Variants in NRG3 observed in about 807,000 individuals in gnomAD.
NRG3 encodes the protein pro-neuregulin-3, membrane-bound isoform.
Under a neutral mutation model 66.9 loss-of-function variants are expected in NRG3, and 31 were observed. The ratio of observed to expected loss-of-function variants is 0.46; its 90% confidence interval spans 0.35 to 0.63. NRG3 has a LOEUF of 0.63. Ranked by LOEUF, NRG3 falls within the 20% of genes least tolerant of loss-of-function variation. The pLI, the probability that NRG3 is intolerant of heterozygous loss-of-function variation, is 0.00. For synonymous variants in NRG3, 393 were observed against 359.4 expected (o/e 1.09, Z -1.06); for missense variants, 910 against 878.9 (o/e 1.04, Z -0.45).
chr10:81,943,119 G>A (rs755482542), intron 1 of NRG3, among the ~76,000 whole-genome samples: 29 of 152,210 alleles, frequency 1.9e-4, no homozygotes, highest in Middle Eastern at 3.4e-3. Flanking sequence ...TGGGCATGGT[G>A]GCTCATGCCT....
At chr10:82,936,818 G>A (rs1188093430) in intron 4 of NRG3, among the ~76,000 whole-genome samples, 1 of 152,146 alleles carries the variant, frequency 6.6e-6, no homozygotes, top group African/African-American at 2.4e-5. Flanking sequence ...AAACATAGGA[G>A]TAGGTTACAA....
chr10:82,682,301 G>C (rs1015450234), intron 2 of NRG3, among the ~76,000 whole-genome samples: 14 of 152,034 alleles, frequency 9.2e-5, no homozygotes, highest in African/African-American at 3.4e-4. Flanking sequence ...AGCTACCATT[G>C]TGTTTGTGAA....
intron 1 of NRG3, among the ~76,000 whole-genome samples, chr10:81,947,362 C>T (rs1336646211): frequency 6.6e-6 from 1 of 152,098 alleles, no homozygotes; most frequent in African/African-American, 2.4e-5. Flanking sequence ...GTACTAGGGT[C>T]AAGACTTCAA....
chr10:82,105,997 T>A (rs1326428137), intron 1 of NRG3, among the ~76,000 whole-genome samples: 1 of 152,194 alleles, frequency 6.6e-6, no homozygotes, highest in Non-Finnish European at 1.5e-5. Context: ...ACAACAAAGA[T>A]CTGTTCTTCT....
At chr10:82,916,847 C>T (rs923185957) in intron 4 of NRG3, among the ~76,000 whole-genome samples, 1 of 152,164 alleles carries the variant, frequency 6.6e-6, no homozygotes, top group African/African-American at 2.4e-5. Context: ...AACTCCTGAC[C>T]TCAAGTGACC....
intron 1 of NRG3, among the ~76,000 whole-genome samples, chr10:82,256,621 A>G (rs903727621): frequency 3.6e-4 from 55 of 152,156 alleles, no homozygotes; most frequent in African/African-American, 1.2e-3. Context: ...TGGGATAACT[A>G]TGGGAATAAA....
intron 3 of NRG3, among the ~76,000 whole-genome samples, chr10:82,741,839 AC>A (rs1286447112): frequency 1.4e-5 from 2 of 138,254 alleles, no homozygotes; most frequent in Non-Finnish European, 3.4e-5. Context: ...TCTAAATTCC[AC>A]TGACTGAAAC....
chr10:82,574,639 AGTACCTCATAAAT>A (rs2045930508), intron 2 of NRG3, among the ~76,000 whole-genome samples: 1 of 151,846 alleles, frequency 6.6e-6, no homozygotes, highest in African/African-American at 2.4e-5. Context: ...AAATATCACA[AGTACCTCATAAAT>A]GTTTATAATT....
chr10:82,694,857 A>T (rs1219054231), intron 2 of NRG3, among the ~76,000 whole-genome samples: 1 of 152,222 alleles, frequency 6.6e-6, no homozygotes, highest in Non-Finnish European at 1.5e-5. Flanking sequence ...ATATGTCTGT[A>T]AGAAGGTTCA....
At chr10:82,569,429 G>T (rs1221277681) in intron 2 of NRG3, among the ~76,000 whole-genome samples, 1 of 151,616 alleles carries the variant, frequency 6.6e-6, no homozygotes, top group Non-Finnish European at 1.5e-5. Context: ...TTCCCCTTCT[G>T]TCTTACAATA....
In NRG3 at chr10:82,986,057, T is replaced by A. The variant is rs1314702297; in HGVS notation, c.*452T>A. On this transcript the variant is annotated 3_prime_UTR_variant, in exon 9 of 9. Coordinates refer to ENST00000372141, the MANE Select transcript of NRG3 (RefSeq NM_001010848.4). ...CTAAATTTCTATTCACCCAATAGCCTCATCACAGGTTATGTCATGTCGACA... is the reference window on the plus strand; with the variant it reads ...CTAAATTTCTATTCACCCAATAGCCACATCACAGGTTATGTCATGTCGACA... 6.2e-6 allele frequency: 1 copy of A among 160,872 alleles called. No homozygotes were observed. The highest frequency in any genetic ancestry group is 2.4e-5 in the African/African-American group (1 of 41,508). 10.0% of individuals were successfully genotyped at this position (160,872 alleles called of 1,614,324 possible).
rs1841528773 is a variant in NRG3, at chr10:81,875,415, CGCGGCGGCT to C, written c.84_92del (p.Ala32_Ala34del). On this transcript the variant is annotated inframe_deletion, in exon 1 of 9. Transcript: ENST00000372141. This position sits in a 1 kb window ranked among gnomAD's most constrained non-coding sequence, Gnocchi z 5.3. ...CCGCCGCCTCGGCCGAGGAGGGCACCGCGGCGGCTGCGGCGGCGGCAGCGGCGGGCGGGG... is the reference window on the plus strand; with the variant it reads ...CCGCCGCCTCGGCCGAGGAGGGCACCGCGGCGGCGGCAGCGGCGGGCGGGG... The C allele has an allele frequency of 9.6e-7, 1 of 1,046,158 alleles. No homozygotes were observed. The highest frequency in any genetic ancestry group is 1.1e-6 in the Non-Finnish European group (1 of 871,990). The allele number at this position is 1,046,158 out of a possible 1,614,324, so 64.8% of individuals were successfully genotyped here.
intron 4 of NRG3, among the ~76,000 whole-genome samples, chr10:82,936,928 A>G (rs1048819736): frequency 3.3e-5 from 5 of 152,120 alleles, no homozygotes; most frequent in Non-Finnish European, 7.3e-5. Flanking sequence ...CTTAAGATAA[A>G]TCTTTGAAAA....
intron 2 of NRG3, among the ~76,000 whole-genome samples, chr10:82,503,356 A>G (rs570460213): frequency 4.9e-4 from 75 of 152,336 alleles, no homozygotes; most frequent in Middle Eastern, 3.4e-3. Context: ...AAATCTGGTG[A>G]GTAGAATCTT....
At chr10:82,115,729 G>A (rs183468126) in intron 1 of NRG3, among the ~76,000 whole-genome samples, 226 of 152,256 alleles carry the variant, frequency 1.5e-3, no homozygotes, top group African/African-American at 5.0e-3. Flanking sequence ...GATATCAGGG[G>A]TTTGGTCCTG....
intron 4 of NRG3, among the ~76,000 whole-genome samples, chr10:82,897,139 A>T (rs1024878622): frequency 6.6e-6 from 1 of 152,230 alleles, no homozygotes; most frequent in Admixed American, 6.5e-5. Context: ...AAATGTAACT[A>T]AATGTACAAT....
chr10:82,665,832 C>G (rs531766085), intron 2 of NRG3, among the ~76,000 whole-genome samples: 1 of 152,114 alleles, frequency 6.6e-6, no homozygotes, highest in East Asian at 1.9e-4. Flanking sequence ...TGGGCATCCA[C>G]TCTACTAGCT....
intron 1 of NRG3, among the ~76,000 whole-genome samples, chr10:82,049,622 T>A (rs960530391): frequency 5.3e-5 from 8 of 152,118 alleles, no homozygotes; most frequent in Non-Finnish European, 1.2e-4. Context: ...TTATGTGAGA[T>A]TTTTGTGTAC....
Position 82,878,640 on chromosome 10 carries a change from G to T in NRG3, c.1054+13203G>T, listed in dbSNP as rs903927387. On this transcript the variant is annotated intron_variant, in intron 4 of 8. Coordinates refer to ENST00000372141, the MANE Select transcript of NRG3 (RefSeq NM_001010848.4). ...AGAGCACTTGATTTTTATGGGCAGC[G>T]ATGGAAACATCCTAATGAAGATGTC... 3.3e-5 allele frequency among the ~76,000 whole-genome samples: 5 copies of T among 152,310 alleles called. No homozygotes were observed. The East Asian group carries it at 9.6e-4, about 29-fold the overall frequency.
Sources: allele counts gnomAD v4.1 joint callset (sites outside exome capture counted in the v4.1 genomes callset), GRCh38; gene constraint gnomAD v4.1.1; non-coding constraint Gnocchi (gnomAD v3.1); transcripts MANE v1.5; gene names NCBI Gene and HGNC (gene_info 2026-07-23, HGNC 2026-07-21).